FTCDNL1: variants seen among roughly 807,000 people sequenced by gnomAD.
FTCDNL1 encodes formiminotransferase N-terminal subdomain-containing protein.
Under a neutral mutation model 5.9 loss-of-function variants are expected in FTCDNL1, and 11 were observed. That is an observed-to-expected ratio of 1.87 (90% CI 1.18 to 3.10). The LOEUF (loss-of-function observed/expected upper bound fraction) is 3.10, where lower values mean the gene tolerates loss of function less well. Among genes scored for constraint, FTCDNL1 ranks in the 30% most tolerant of loss-of-function variants. The pLI is 0.00. For synonymous variants in FTCDNL1, 58 were observed against 24.8 expected, an observed-to-expected ratio of 2.34 and a Z score of -3.99; for missense variants, 115 against 65.5, an observed-to-expected ratio of 1.76 and a Z score of -2.61.
At chr2:199,849,658 T>C (rs190586340) in intron 1 of FTCDNL1, among the ~76,000 whole-genome samples, 3 of 152,358 alleles carry the variant, frequency 2.0e-5, no homozygotes, top group South Asian at 2.1e-4. Flanking sequence ...AAATTAATTA[T>C]ACAGGTTTTG....
the FTCDNL1 span, among the ~76,000 whole-genome samples, chr2:199,714,013 G>T: frequency 5.3e-5 from 8 of 152,178 alleles, no homozygotes; most frequent in Admixed American, 2.0e-4. Flanking sequence ...ATGCAAATCA[G>T]ATTGGCTTTG....
At chr2:199,758,451 CAA>C (rs754047700), downstream of FTCDNL1, among the ~76,000 whole-genome samples, 51 of 93,144 alleles carry the variant, frequency 5.5e-4, no homozygotes, top group Non-Finnish European at 4.6e-4. Flanking sequence ...CCATTCCCAC[CAA>C]AAAAAAAAAA....
chr2:199,712,569 A>C, the FTCDNL1 span, among the ~76,000 whole-genome samples: 4 of 152,178 alleles, frequency 2.6e-5, no homozygotes, highest in Non-Finnish European at 5.9e-5. Context: ...TACCATAACA[A>C]AGTACCATAA....
intron 3 of FTCDNL1, among the ~76,000 whole-genome samples, chr2:199,825,321 A>G (rs1168422946): frequency 3.9e-5 from 6 of 152,202 alleles, no homozygotes; most frequent in Non-Finnish European, 5.9e-5. Context: ...AAAAAATGCA[A>G]TAAAGTCACA....
chr2:199,837,958 T>G (rs983557607), intron 3 of FTCDNL1, among the ~76,000 whole-genome samples: 1 of 152,220 alleles, frequency 6.6e-6, no homozygotes, highest in African/African-American at 2.4e-5. Context: ...ATTATGAGCC[T>G]ACAGGTTAGG....
At chr2:199,721,368 G>A in the FTCDNL1 span, among the ~76,000 whole-genome samples, 1 of 152,144 alleles carries the variant, frequency 6.6e-6, no homozygotes, top group Non-Finnish European at 1.5e-5. Flanking sequence ...AGAACATGCA[G>A]TGTTCGGTTT....
chr2:199,685,501 G>A, the FTCDNL1 span, among the ~76,000 whole-genome samples: 1 of 151,962 alleles, frequency 6.6e-6, no homozygotes, highest in East Asian at 1.9e-4. Flanking sequence ...TAAACCAAGA[G>A]CCTCCCAGAA....
chr2:199,773,483 C>T (rs1698912312), intron 3 of FTCDNL1, among the ~76,000 whole-genome samples: 1 of 152,020 alleles, frequency 6.6e-6, no homozygotes, highest in Non-Finnish European at 1.5e-5. Flanking sequence ...GCCATAGGTC[C>T]CTTTGGGGAA....
chr2:199,739,338 T>C, the FTCDNL1 span, among the ~76,000 whole-genome samples: 1 of 152,240 alleles, frequency 6.6e-6, no homozygotes, highest in Admixed American at 6.5e-5. Flanking sequence ...ACTGCAAGGA[T>C]GCACACAAAT....
the FTCDNL1 span, among the ~76,000 whole-genome samples, chr2:199,724,631 T>C: frequency 2.0e-5 from 3 of 152,234 alleles, no homozygotes; most frequent in African/African-American, 7.2e-5. Flanking sequence ...TGCCTTAATT[T>C]CATTATTTAC....
the FTCDNL1 span, among the ~76,000 whole-genome samples, chr2:199,699,224 T>A: frequency 6.6e-6 from 1 of 152,052 alleles, no homozygotes; most frequent in South Asian, 2.1e-4. Flanking sequence ...CCCAAAACTT[T>A]GGGAGGTCAA....
In FTCDNL1 at chr2:199,811,729, C is replaced by T. The variant is rs1191103187; in HGVS notation, c.*976G>A. 1.3e-5 allele frequency among the ~76,000 whole-genome samples: 2 copies of T among 152,212 alleles called. No individual in the cohort carries two copies. Among genetic ancestry groups the T allele is most frequent in the African/African-American group, 2.4e-5 (1 of 41,446 alleles). On this transcript the variant is annotated 3_prime_UTR_variant, in exon 5 of 5. Transcript: ENST00000420128. The stretch of plus-strand genomic sequence containing the variant: ...ATCCCTCACCCAGCAAATTCCAAGA[C>T]ATCCTCTTCCATTGCATGTCTAATA...
the FTCDNL1 span, among the ~76,000 whole-genome samples, chr2:199,750,861 A>G: frequency 2.6e-5 from 4 of 152,254 alleles, no homozygotes; most frequent in African/African-American, 9.6e-5. Flanking sequence ...TAATTTTGCC[A>G]TGCCATCCTT....
the FTCDNL1 span, among the ~76,000 whole-genome samples, chr2:199,683,333 T>A: frequency 6.6e-6 from 1 of 152,022 alleles, no homozygotes; most frequent in Non-Finnish European, 1.5e-5. Flanking sequence ...TAAGCCATGA[T>A]GCATATGAAA....
At chr2:199,748,870 G>C in the FTCDNL1 span, among the ~76,000 whole-genome samples, 1 of 152,054 alleles carries the variant, frequency 6.6e-6, no homozygotes, top group Non-Finnish European at 1.5e-5. Context: ...AAGTTCTCTG[G>C]TTCATTCTGA....
the FTCDNL1 span, among the ~76,000 whole-genome samples, chr2:199,693,902 T>C: frequency 6.6e-6 from 1 of 152,202 alleles, no homozygotes; most frequent in Non-Finnish European, 1.5e-5. Context: ...ATCGGCTTCA[T>C]CTGGGGATTG....
chr2:199,682,218 C>T, the FTCDNL1 span, among the ~76,000 whole-genome samples: 1 of 152,152 alleles, frequency 6.6e-6, no homozygotes, highest in African/African-American at 2.4e-5. Flanking sequence ...AGTTGAAGGG[C>T]TGATAGAACA....
the FTCDNL1 span, among the ~76,000 whole-genome samples, chr2:199,702,393 G>A: frequency 2.6e-5 from 4 of 152,120 alleles, no homozygotes; most frequent in East Asian, 1.9e-4. Flanking sequence ...GAAGACCCTC[G>A]CCTCCCGATG....
intron 3 of FTCDNL1, among the ~76,000 whole-genome samples, chr2:199,835,315 C>T (rs1702653491): frequency 6.6e-6 from 1 of 152,154 alleles, no homozygotes; most frequent in Non-Finnish European, 1.5e-5. Context: ...CAATTAGTAT[C>T]TCAAAATATT....
Sources: gnomAD v4.1 joint callset for allele counts (sites outside exome capture counted in the v4.1 genomes callset) on GRCh38, gnomAD v4.1.1 for gene constraint, MANE v1.5 for transcripts, NCBI Gene and HGNC (gene_info 2026-07-23, HGNC 2026-07-21) for gene names.